Variants in ARMC9 observed in about 807,000 individuals in gnomAD.
ARMC9 encodes armadillo repeat containing 9.
A neutral mutation model predicts 107.0 loss-of-function variants in ARMC9; 94 were observed. The observed-to-expected ratio is 0.88, with a 90% CI of 0.74 to 1.04. ARMC9 has a LOEUF of 1.04. Among genes scored for constraint, ARMC9 ranks in the 50% least tolerant of loss-of-function variants. The pLI, the probability that ARMC9 is intolerant of heterozygous loss-of-function variation, is 0.00. For synonymous variants in ARMC9, 380 were observed against 396.9 expected, an observed-to-expected ratio of 0.96 and a Z score of 0.51; for missense variants, 942 against 1,030.1, an observed-to-expected ratio of 0.91 and a Z score of 1.17.
At chr2:231,246,817 T>A (rs2036808809) in intron 9 of ARMC9, among the ~76,000 whole-genome samples, 1 of 152,084 alleles carries the variant, frequency 6.6e-6, no homozygotes, top group South Asian at 2.1e-4. Flanking sequence ...CATACAGAGC[T>A]TTTTTTGTTT....
At chr2:231,270,916 A>C in intron 12 of ARMC9, 66 bp from the exon 13 acceptor site, 1 of 1,380,618 alleles carries the variant, frequency 7.2e-7, no homozygotes, top group Non-Finnish European at 1.0e-6. Context: ...CCAGACCCGA[A>C]GAGGAGGCGT....
At chr2:231,252,783 C>A (rs553135864) in intron 9 of ARMC9, among the ~76,000 whole-genome samples, 1 of 151,474 alleles carries the variant, frequency 6.6e-6, no homozygotes, top group African/African-American at 2.4e-5. Context: ...ACCACAGGCA[C>A]GTGCCATCAC....
At chr2:231,277,534 A>T (rs1027579036) in intron 15 of ARMC9, among the ~76,000 whole-genome samples, 8 of 124,104 alleles carry the variant, frequency 6.4e-5, no homozygotes, top group Non-Finnish European at 1.3e-4. Flanking sequence ...TCAGTCATTT[A>T]AAAAAATAGC....
chr2:231,305,648 C>T lies in ARMC9; in HGVS notation c.1773+9395C>T, dbSNP rs140082511. On this transcript the variant is annotated intron_variant, in intron 19 of 24. Transcript: ENST00000611582. ...AGCAGTGGCAGCTGTACAAGGCTATCGTGTGTGTTTCTCTAGCGAAGGCAA... is the reference window on the plus strand; with the variant it reads ...AGCAGTGGCAGCTGTACAAGGCTATTGTGTGTGTTTCTCTAGCGAAGGCAA... Among the ~76,000 whole-genome samples, 684 of 152,244 alleles carry T rather than the reference C, an allele frequency of 4.5e-3. 3 individuals carry two copies. Among genetic ancestry groups the T allele is most frequent in the African/African-American group, 0.015 (642 of 41,538 alleles).
intron 19 of ARMC9, among the ~76,000 whole-genome samples, chr2:231,310,379 T>G (rs2042269707): frequency 6.7e-6 from 1 of 148,304 alleles, no homozygotes; most frequent in Admixed American, 6.8e-5. Flanking sequence ...GATCGCGCCA[T>G]TGCACTCCAG....
chr2:231,289,945 A>C (rs868483857), intron 17 of ARMC9, among the ~76,000 whole-genome samples: 19 of 152,202 alleles, frequency 1.2e-4, no homozygotes, highest in African/African-American at 3.9e-4. Flanking sequence ...CCTACTGGAC[A>C]CAGCAAGCAC....
chr2:231,273,146 C>G (rs1326498320), intron 14 of ARMC9, 68 bp downstream of exon 14: 13 of 1,550,536 alleles, frequency 8.4e-6, no homozygotes, highest in Non-Finnish European at 1.1e-5. Flanking sequence ...CCCATGGCAA[C>G]CCAGGAGGCA....
Position 231,290,147 on chromosome 2 carries a change from C to T in ARMC9, c.1627-1206C>T, listed in dbSNP as rs186147102. On this transcript the variant is annotated intron_variant, in intron 17 of 24. Coordinates refer to ENST00000611582, the MANE Select transcript of ARMC9 (RefSeq NM_001352754.2). The stretch of plus-strand genomic sequence containing the variant: ...GTCTTTTAAAAATTTCAAGTCAACT[C>T]AAATTGTTATCCTCATGTTTATAGT... Among the ~76,000 whole-genome samples, 73 of 152,312 alleles carry T rather than the reference C, an allele frequency of 4.8e-4. 3 individuals are homozygous for T. The South Asian group carries it at 0.011, about 23-fold the overall frequency.
chr2:231,268,281 G>T (rs1404313935), intron 12 of ARMC9, among the ~76,000 whole-genome samples: 1 of 152,092 alleles, frequency 6.6e-6, no homozygotes, highest in South Asian at 2.1e-4. Flanking sequence ...CCACATGTTC[G>T]CTTTGTGAAC....
chr2:231,330,170 T>A (rs2043623643), intron 19 of ARMC9, among the ~76,000 whole-genome samples: 1 of 152,102 alleles, frequency 6.6e-6, no homozygotes, highest in Non-Finnish European at 1.5e-5. Flanking sequence ...ATCATGTAGA[T>A]CGATTCTTAC....
At chr2:231,356,057 GC>G in intron 22 of ARMC9, 123 bp downstream of exon 22, 4 of 1,285,506 alleles carry the variant, frequency 3.1e-6, no homozygotes, top group Non-Finnish European at 4.2e-6. Context: ...CTCAGCAACA[GC>G]CCCGTGTCAC....
intron 23 of ARMC9, among the ~76,000 whole-genome samples, chr2:231,368,617 T>C (rs1367491370): frequency 6.6e-6 from 1 of 152,160 alleles, no homozygotes; most frequent in Admixed American, 6.5e-5. Flanking sequence ...AATAGTGTTA[T>C]GAGTGATACA....
chr2:231,367,294 C>G (rs1220951410), intron 23 of ARMC9, among the ~76,000 whole-genome samples: 3 of 152,230 alleles, frequency 2.0e-5, no homozygotes, highest in African/African-American at 7.2e-5. Context: ...CCCTGCCGCC[C>G]AGGCTTTCTC....
At chr2:231,274,835 G>A (rs575018274) in intron 14 of ARMC9, among the ~76,000 whole-genome samples, 3 of 152,272 alleles carry the variant, frequency 2.0e-5, no homozygotes, top group South Asian at 4.1e-4. Flanking sequence ...CCAGCTCCCT[G>A]CCAATGAAAA....
intron 19 of ARMC9, among the ~76,000 whole-genome samples, chr2:231,302,833 G>A (rs2041836694): frequency 6.6e-6 from 1 of 151,852 alleles, no homozygotes; most frequent in Non-Finnish European, 1.5e-5. Context: ...GTGAAACCCT[G>A]TCTCTACCAA....
intron 20 of ARMC9, among the ~76,000 whole-genome samples, chr2:231,333,392 G>C (rs2043869455): frequency 6.6e-6 from 1 of 152,220 alleles, no homozygotes; most frequent in Admixed American, 6.5e-5. Context: ...GAGGCTGGGG[G>C]GCGGGGAACC....
intron 5 of ARMC9, among the ~76,000 whole-genome samples, chr2:231,217,983 G>A (rs912973149): frequency 5.8e-5 from 8 of 138,034 alleles, no homozygotes; most frequent in East Asian, 2.0e-4. Flanking sequence ...GTGAGCCACC[G>A]CGCCTTGTTT....
rs548835183 is a variant in ARMC9, at chr2:231,252,332, C to T, written c.880-4254C>T. Among the ~76,000 whole-genome samples the T allele has an allele frequency of 5.6e-4, 85 of 152,300 alleles. No homozygotes were observed. The South Asian group carries it at 0.017, about 30-fold the overall frequency. On this transcript the variant is annotated intron_variant, in intron 9 of 24. Transcript: ENST00000611582. ...TGGCACGATCTCGGCTCACTGCAAC[C>T]TCTGCCTCACTGATTCAAGCAATTC...
intron 19 of ARMC9, among the ~76,000 whole-genome samples, chr2:231,310,744 TAAA>T (rs199719637): frequency 4.0e-5 from 5 of 124,520 alleles, no homozygotes; most frequent in Admixed American, 7.9e-5. Context: ...TCTCAAAAGA[TAAA>T]AAAAAAAAAG....
Sources: allele counts gnomAD v4.1 joint callset (sites outside exome capture counted in the v4.1 genomes callset), GRCh38; gene constraint gnomAD v4.1.1; transcripts MANE v1.5; gene names NCBI Gene and HGNC (gene_info 2026-07-23, HGNC 2026-07-21).